NWD2: variants seen among roughly 807,000 people sequenced by gnomAD.
The protein encoded by NWD2 is NACHT and WD repeat domain-containing protein 2.
Under a neutral mutation model 132.7 loss-of-function variants are expected in NWD2, and 37 were observed. That is an observed-to-expected ratio of 0.28 (90% CI 0.21 to 0.37). The LOEUF is 0.37. Ranked by LOEUF, NWD2 falls within the 10% of genes least tolerant of loss-of-function variation. The probability of loss-of-function intolerance (pLI) is 1.00; values close to 1 mark genes in which losing one functional copy is unlikely to be tolerated. For synonymous variants in NWD2, 705 were observed against 803.0 expected, an observed-to-expected ratio of 0.88 and a Z score of 2.06; for missense variants, 1,592 against 2,122.4, an observed-to-expected ratio of 0.75 and a Z score of 4.91.
At chr4:37,265,089 T>A (rs998084257) in intron 1 of NWD2, among the ~76,000 whole-genome samples, 4 of 152,030 alleles carry the variant, frequency 2.6e-5, no homozygotes, top group Non-Finnish European at 5.9e-5. Context: ...GTGACTTGAT[T>A]GTAAAAAACT....
intron 3 of NWD2, among the ~76,000 whole-genome samples, chr4:37,370,795 G>A (rs1720210843): frequency 2.0e-5 from 3 of 152,142 alleles, no homozygotes; most frequent in Admixed American, 2.0e-4. Flanking sequence ...GAGGCTAAAG[G>A]TTGATTATAA....
chr4:37,407,046 G>C (rs1392736853), intron 3 of NWD2, among the ~76,000 whole-genome samples: 1 of 151,836 alleles, frequency 6.6e-6, no homozygotes, highest in African/African-American at 2.4e-5. Context: ...AGAACACATG[G>C]ACACAGGGAG....
At chr4:37,366,824 A>G (rs1220841272) in intron 3 of NWD2, among the ~76,000 whole-genome samples, 1 of 152,162 alleles carries the variant, frequency 6.6e-6, no homozygotes, top group East Asian at 1.9e-4. Context: ...ACCTAATAAC[A>G]TGGCTTCAAA....
chr4:37,360,828 G>A (rs577788522), intron 3 of NWD2, among the ~76,000 whole-genome samples: 2 of 152,128 alleles, frequency 1.3e-5, no homozygotes, highest in East Asian at 3.8e-4. Flanking sequence ...GGAAGAGGGG[G>A]TTTTCTTCTT....
At chr4:37,397,944 A>G (rs190756871) in intron 3 of NWD2, among the ~76,000 whole-genome samples, 2 of 152,144 alleles carry the variant, frequency 1.3e-5, no homozygotes, top group Non-Finnish European at 2.9e-5. Flanking sequence ...CTATCTTCCA[A>G]ATCAACTCTA....
rs1050204781 is a variant in NWD2 at position 37,443,620 on chromosome 4, C to T, written c.1632C>T (p.Ser544=). ...CCCGCTTTGTCCGGATAGTCCTTTC[C>T]ACGCTGCCCAACAAACATGGGATCT... ...HLPRFVRIVL[S]TLPNKHGILQ... Residue 544 remains serine (S), a synonymous_variant, in exon 7 of 7, where the codon TCC becomes TCT. Transcript: ENST00000309447. This position sits in a 1 kb window ranked among gnomAD's most constrained non-coding sequence, Gnocchi z 4.1. 1 of 1,551,896 alleles carries T rather than the reference C, an allele frequency of 6.4e-7. No homozygotes were observed. The highest frequency in any genetic ancestry group is 2.0e-5 in the Admixed American group (1 of 50,992).
chr4:37,381,375 C>A (rs568127987), intron 3 of NWD2, among the ~76,000 whole-genome samples: 2 of 152,184 alleles, frequency 1.3e-5, no homozygotes, highest in Admixed American at 6.5e-5. Context: ...AGTGGGATAT[C>A]GAATCCCATT....
chr4:37,341,895 T>C (rs1719533976), intron 2 of NWD2, among the ~76,000 whole-genome samples: 1 of 152,094 alleles, frequency 6.6e-6, no homozygotes, highest in African/African-American at 2.4e-5. Context: ...CTGCCTGCAG[T>C]GTGGCTAATG....
In NWD2 at chr4:37,399,938, G is replaced by A. The variant is rs144536932; in HGVS notation, c.358-30634G>A. On this transcript the variant is annotated intron_variant, in intron 3 of 6. Coordinates refer to ENST00000309447, the MANE Select transcript of NWD2 (RefSeq NM_001144990.2). ...ATGATTCTGATGCATGCTCAGGTTC[G>A]AGTATCACTAGACCAGGTTTTCCTT... is the stretch of plus-strand genomic sequence containing the variant. 9.2e-3 allele frequency among the ~76,000 whole-genome samples: 1,408 copies of A among 152,274 alleles called. 19 individuals are homozygous for A. Among genetic ancestry groups the A allele is most frequent in the African/African-American group, 0.032 (1,327 of 41,550 alleles).
At chr4:37,256,790 A>G (rs1357846238) in intron 1 of NWD2, among the ~76,000 whole-genome samples, 2 of 152,214 alleles carry the variant, frequency 1.3e-5, no homozygotes, top group African/African-American at 4.8e-5. Context: ...AGAAGCTACC[A>G]TTTGGAGGTT....
chr4:37,348,675 T>TAC (rs1172614596), intron 2 of NWD2, among the ~76,000 whole-genome samples: 597 of 22,516 alleles, frequency 0.027, 38 homozygotes, highest in African/African-American at 0.037. Context: ...TATATATATA[T>TAC]ACACACACAC....
At chr4:37,288,019 A>G (rs1718271390) in intron 1 of NWD2, among the ~76,000 whole-genome samples, 2 of 152,208 alleles carry the variant, frequency 1.3e-5, no homozygotes, top group Admixed American at 6.5e-5. Context: ...AGGGACATGG[A>G]TGAAGCTGGA....
In NWD2 at chr4:37,353,896, A is replaced by T. The variant is rs111865802; in HGVS notation, c.241-2470A>T. Among the ~76,000 whole-genome samples the T allele has an allele frequency of 1.6e-3, 251 of 152,132 alleles. 2 individuals are homozygous for T. Among genetic ancestry groups the T allele is most frequent in the African/African-American group, 5.9e-3 (246 of 41,492 alleles). ...CCAGTTTTGTTCCCTTGCTGGCAAG[A>T]AGTTGTGATCCTTTGGAGGAGAAGA... On this transcript the variant is annotated intron_variant, in intron 2 of 6. Coordinates refer to ENST00000309447, the MANE Select transcript of NWD2 (RefSeq NM_001144990.2).
chr4:37,328,230 C>G (rs1040346802), intron 2 of NWD2, among the ~76,000 whole-genome samples: 16 of 152,064 alleles, frequency 1.1e-4, no homozygotes, highest in Admixed American at 9.8e-4. Context: ...AATGTCACCC[C>G]TAGAGATGCT....
At chr4:37,315,069 T>C (rs564088179) in intron 1 of NWD2, among the ~76,000 whole-genome samples, 1 of 152,290 alleles carries the variant, frequency 6.6e-6, no homozygotes, top group African/African-American at 2.4e-5. Context: ...AAGTATCTTA[T>C]TCAATTTCCA....
At chr4:37,304,405 A>G (rs1425611811) in intron 1 of NWD2, among the ~76,000 whole-genome samples, 1 of 150,776 alleles carries the variant, frequency 6.6e-6, no homozygotes, top group African/African-American at 2.4e-5. Context: ...CACATTGCAA[A>G]ATACAATCAT....
intron 1 of NWD2, among the ~76,000 whole-genome samples, chr4:37,296,340 CACAT>C (rs1243593604): frequency 6.6e-6 from 1 of 152,052 alleles, no homozygotes; most frequent in Non-Finnish European, 1.5e-5. Context: ...AACAGAAACA[CACAT>C]AAACAAGGTT....
At chr4:37,306,921 G>A (rs1218023707) in intron 1 of NWD2, among the ~76,000 whole-genome samples, 1 of 152,110 alleles carries the variant, frequency 6.6e-6, no homozygotes, top group Non-Finnish European at 1.5e-5. Context: ...CTACTCGGAA[G>A]GCTGAGGCAG....
chr4:37,366,994 GA>G (rs1477995199), intron 3 of NWD2, among the ~76,000 whole-genome samples: 2 of 152,124 alleles, frequency 1.3e-5, no homozygotes, highest in African/African-American at 4.8e-5. Context: ...AACATTTATA[GA>G]ATGCCACATT....
Sources: gnomAD v4.1 joint callset for allele counts (sites outside exome capture counted in the v4.1 genomes callset) on GRCh38, gnomAD v4.1.1 for gene constraint, Gnocchi (gnomAD v3.1) non-coding constraint, MANE v1.5 for transcripts, NCBI Gene and HGNC (gene_info 2026-07-23, HGNC 2026-07-21) for gene names.